Variants in CCDC85C observed in about 807,000 individuals in gnomAD.
CCDC85C encodes coiled-coil domain-containing protein 85C.
In CCDC85C, 18 loss-of-function variants were observed where a neutral mutation model predicts 38.3. The ratio of observed to expected loss-of-function variants is 0.47; its 90% confidence interval spans 0.33 to 0.70. The LOEUF is 0.70. Among genes scored for constraint, CCDC85C ranks in the 30% least tolerant of loss-of-function variants. The pLI is 0.03. For synonymous variants in CCDC85C, 264 were observed against 293.8 expected (o/e 0.90, Z 1.04); for missense variants, 566 against 621.2 (o/e 0.91, Z 0.94).
At chr14:99,568,981 G>A (rs952197317) in intron 1 of CCDC85C, among the ~76,000 whole-genome samples, 1 of 152,244 alleles carries the variant, frequency 6.6e-6, no homozygotes. Context: ...TCCTGGGAGG[G>A]CTGGCGCCTG....
intron 1 of CCDC85C, among the ~76,000 whole-genome samples, chr14:99,568,577 A>G (rs1281770257): frequency 1.3e-5 from 2 of 152,118 alleles, no homozygotes; most frequent in Non-Finnish European, 2.9e-5. Flanking sequence ...CCCGCTCAGG[A>G]AAGACGTGGC....
At position 99,514,996 on chromosome 14, in the gene CCDC85C, G is replaced by A. The variant is rs1897198041; in HGVS notation, c.*250C>T. On this transcript the variant is annotated 3_prime_UTR_variant, in exon 6 of 6. Coordinates refer to ENST00000380243, the MANE Select transcript of CCDC85C (RefSeq NM_001144995.2). ...GCCCAGAGGGGGAATGAGGCGTCCG[G>A]GCCGCTCTGCTGCAGGAACAGTCGC... 5 of 425,316 alleles carry A rather than the reference G, an allele frequency of 1.2e-5. No individual in the cohort carries two copies. Among genetic ancestry groups the A allele is most frequent in the African/African-American group, 8.0e-5 (4 of 49,960 alleles). 26.3% of individuals were successfully genotyped at this position (425,316 alleles called of 1,614,324 possible).
chr14:99,584,057 T>C (rs1476793280), intron 1 of CCDC85C, among the ~76,000 whole-genome samples: 1 of 151,824 alleles, frequency 6.6e-6, no homozygotes, highest in African/African-American at 2.4e-5. Flanking sequence ...CTTTTGCAAC[T>C]TTTTTTTCTT....
At chr14:99,554,078 C>T (rs1369806267) in intron 1 of CCDC85C, among the ~76,000 whole-genome samples, 1 of 152,168 alleles carries the variant, frequency 6.6e-6, no homozygotes, top group African/African-American at 2.4e-5. Flanking sequence ...GCTCCACTTG[C>T]TCTGTGAATC....
chr14:99,521,846 G>A (rs757592446), intron 3 of CCDC85C, among the ~76,000 whole-genome samples: 14 of 152,234 alleles, frequency 9.2e-5, no homozygotes, highest in Non-Finnish European at 1.6e-4. Flanking sequence ...TCTCCCCACC[G>A]TGGCCAAGGA....
intron 2 of CCDC85C, among the ~76,000 whole-genome samples, chr14:99,523,948 A>T (rs1897337080): frequency 6.7e-6 from 1 of 149,026 alleles, no homozygotes; most frequent in Admixed American, 6.7e-5. Flanking sequence ...CCAGGTACCA[A>T]AAAGAGGAAG....
rs1377396518 is a variant in CCDC85C, at chr14:99,506,329, G to A, written c.*8917C>T. ...CCTCAGCATGCAAACAGAAAAATAG[G>A]GTTCTTTTTCAGTTGTGATGTGCAC... On this transcript the variant is annotated 3_prime_UTR_variant, in exon 6 of 6. Coordinates refer to ENST00000380243, the MANE Select transcript of CCDC85C (RefSeq NM_001144995.2). The A allele has an allele frequency of 6.6e-6, 1 of 152,250 alleles. No homozygotes were observed. Among genetic ancestry groups the A allele is most frequent in the African/African-American group, 2.4e-5 (1 of 41,442 alleles). The allele number at this position is 152,250 out of a possible 1,614,324, so 9.4% of individuals were successfully genotyped here.
chr14:99,598,029 C>T (rs1004915955), intron 1 of CCDC85C, among the ~76,000 whole-genome samples: 18 of 152,198 alleles, frequency 1.2e-4, no homozygotes, highest in Admixed American at 3.9e-4. Flanking sequence ...CAAGATTCAC[C>T]CAGGGCTCTC....
Position 99,515,021 on chromosome 14 carries a change from C to T in CCDC85C, c.*225G>A. The T allele has an allele frequency of 2.0e-6, 1 of 496,412 alleles. No homozygotes were observed. Among genetic ancestry groups the T allele is most frequent in the Non-Finnish European group, 3.7e-6 (1 of 273,244 alleles). 30.8% of individuals were successfully genotyped at this position (496,412 alleles called of 1,614,324 possible). A position where few individuals can be genotyped will look rare whatever the true frequency, so the allele number is the denominator to read the frequency against. On this transcript the variant is annotated 3_prime_UTR_variant, in exon 6 of 6. Coordinates refer to ENST00000380243, the MANE Select transcript of CCDC85C (RefSeq NM_001144995.2). ...GGCCGCTCTGCTGCAGGAACAGTCG[C>T]AGCGTCTCGTCTTCCCAGGTTGCTG...
Position 99,572,782 on chromosome 14 carries a change from C to T in CCDC85C, c.793+30385G>A. ...CAGTTTATCCATCTTCCAAAGGAGA[C>T]TTCTGTCTGTCTTGCTTCATGGAAG... On this transcript the variant is annotated intron_variant, in intron 1 of 5. Transcript: ENST00000380243. This position sits in a 1 kb window ranked among gnomAD's most constrained non-coding sequence, Gnocchi z 4.4. The T allele has an allele frequency of 4.4e-6, 2 of 456,132 alleles. No homozygotes were observed. Among genetic ancestry groups the T allele is most frequent in the East Asian group, 6.9e-5 (1 of 14,396 alleles). The allele number at this position is 456,132 out of a possible 1,614,324, so 28.3% of individuals were successfully genotyped here.
intron 1 of CCDC85C, among the ~76,000 whole-genome samples, chr14:99,577,128 G>A (rs1171692189): frequency 6.6e-6 from 1 of 151,812 alleles, no homozygotes; most frequent in South Asian, 2.1e-4. Flanking sequence ...CCCTGGGCTC[G>A]TCTCCTCTCT....
rs1250325714 is a variant in CCDC85C at position 99,502,433 on chromosome 14, A to G, written c.*12813T>C. On this transcript the variant is annotated 3_prime_UTR_variant, in exon 6 of 6. Coordinates refer to ENST00000380243, the MANE Select transcript of CCDC85C (RefSeq NM_001144995.2). ...TGTTCCATGTTGAGATGATTCTTCC[A>G]TGTGTACCCTGAGTCCCAAGAATGG... 6.4e-7 allele frequency: 1 copy of G among 1,574,398 alleles called. No individual in the cohort carries two copies. The highest frequency in any genetic ancestry group is 8.6e-7 in the Non-Finnish European group (1 of 1,160,830).
At chr14:99,525,250 T>A (rs994389753) in intron 2 of CCDC85C, among the ~76,000 whole-genome samples, 1 of 152,198 alleles carries the variant, frequency 6.6e-6, no homozygotes, top group Non-Finnish European at 1.5e-5. Flanking sequence ...TTTCTGGGCC[T>A]CTGCAGTGCG....
Position 99,503,205 on chromosome 14 carries a change from A to G in CCDC85C, c.*12041T>C. The G allele has an allele frequency of 8.7e-6, 6 of 693,474 alleles. No homozygotes were observed. Among genetic ancestry groups the G allele is most frequent in the South Asian group, 7.7e-5 (5 of 64,824 alleles). 43.0% of individuals were successfully genotyped at this position (693,474 alleles called of 1,614,324 possible). A position where few individuals can be genotyped will look rare whatever the true frequency, so the allele number is the denominator to read the frequency against. ...AGGAGGGGGCTCTCTGCCCGGCTCC[A>G]GCCCTGCTGCCTGTTTCATCCCTGC... On this transcript the variant is annotated 3_prime_UTR_variant, in exon 6 of 6. Transcript: ENST00000380243.
Position 99,510,926 on chromosome 14 carries a change from A to C in CCDC85C, c.*4320T>G. On this transcript the variant is annotated 3_prime_UTR_variant, in exon 6 of 6. Coordinates refer to ENST00000380243, the MANE Select transcript of CCDC85C (RefSeq NM_001144995.2). Reference sequence around the variant, plus strand: ...AGAATGGACCGGGCCCCTGGGATAAAATCAGAGTGGTCCTCACACCTAGAG... The same window carrying C: ...AGAATGGACCGGGCCCCTGGGATAACATCAGAGTGGTCCTCACACCTAGAG... 1.4e-6 allele frequency: 1 copy of C among 699,012 alleles called. No homozygotes were observed. Among genetic ancestry groups the C allele is most frequent in the South Asian group, 5.4e-5 (1 of 18,678 alleles). 43.3% of individuals were successfully genotyped at this position (699,012 alleles called of 1,614,324 possible). A position where few individuals can be genotyped will look rare whatever the true frequency, so the allele number is the denominator to read the frequency against.
chr14:99,546,811 C>T (rs1266513738), intron 1 of CCDC85C, among the ~76,000 whole-genome samples: 1 of 152,118 alleles, frequency 6.6e-6, no homozygotes. Context: ...AACAGTAAAA[C>T]TCTATCTCAG....
Position 99,588,280 on chromosome 14 carries a change from G to A in CCDC85C, c.793+14887C>T, listed in dbSNP as rs528991342. On this transcript the variant is annotated intron_variant, in intron 1 of 5. Coordinates refer to ENST00000380243, the MANE Select transcript of CCDC85C (RefSeq NM_001144995.2). The surrounding 1 kb of genome is among the most constrained non-coding windows in gnomAD (Gnocchi z 5.0). ...CATGGTGGTACACCAGCACCTTTCT[G>A]AGTTAAACATTGGTGAGGACACCCA... Among the ~76,000 whole-genome samples, 1 of 152,168 alleles carries A rather than the reference G, an allele frequency of 6.6e-6. No individual in the cohort carries two copies. The highest frequency in any genetic ancestry group is 2.4e-5 in the African/African-American group (1 of 41,532).
rs746019309 is a variant in CCDC85C, at chr14:99,503,498, G to A, written c.*11748C>T. 1.1e-5 allele frequency: 9 copies of A among 846,968 alleles called. No homozygotes were observed. The highest frequency in any genetic ancestry group is 5.3e-5 in the East Asian group (2 of 37,450). 52.5% of individuals were successfully genotyped at this position (846,968 alleles called of 1,614,324 possible). ...TTCAGGCTAGAAATAATTTTTGTCCGAGGCTGTTCACAGTGACTGCCGTCG... is the reference window on the plus strand; with the variant it reads ...TTCAGGCTAGAAATAATTTTTGTCCAAGGCTGTTCACAGTGACTGCCGTCG... On this transcript the variant is annotated 3_prime_UTR_variant, in exon 6 of 6. Coordinates refer to ENST00000380243, the MANE Select transcript of CCDC85C (RefSeq NM_001144995.2).
chr14:99,565,016 C>T (rs1448823393), intron 1 of CCDC85C, among the ~76,000 whole-genome samples: 1 of 152,228 alleles, frequency 6.6e-6, no homozygotes, highest in Non-Finnish European at 1.5e-5. Flanking sequence ...AGAGGGGACG[C>T]AGACCCTCTC....
Sources: gnomAD v4.1 joint callset for allele counts (sites outside exome capture counted in the v4.1 genomes callset) on GRCh38, gnomAD v4.1.1 for gene constraint, Gnocchi (gnomAD v3.1) non-coding constraint, MANE v1.5 for transcripts, NCBI Gene and HGNC (gene_info 2026-07-23, HGNC 2026-07-21) for gene names.